Variants in FLNB observed in about 807,000 individuals in gnomAD.
FLNB encodes the protein filamin B, also known as filamin-B.
Under a neutral mutation model 250.6 loss-of-function variants are expected in FLNB, and 111 were observed. The ratio of observed to expected loss-of-function variants is 0.44; its 90% CI spans 0.38 to 0.52. The LOEUF is 0.52. Among genes scored for constraint, FLNB ranks in the 20% least tolerant of loss-of-function variants. The pLI is 0.00. For missense variants in FLNB, 2,869 were observed against 3,447.8 expected, an observed-to-expected ratio of 0.83 and a Z score of 4.20; for synonymous variants, 1,302 against 1,372.1, an observed-to-expected ratio of 0.95 and a Z score of 1.13.
chr3:58,155,263 C>T (rs2097351561), intron 40 of FLNB, among the ~76,000 whole-genome samples: 1 of 152,256 alleles, frequency 6.6e-6, no homozygotes, highest in Non-Finnish European at 1.5e-5. Flanking sequence ...TCTGAGCTCC[C>T]TCTAGCAGGA....
In FLNB at chr3:58,108,439, C is replaced by T. The variant is rs1282430809; in HGVS notation, c.1942-19C>T. On this transcript the variant is annotated intron_variant, in intron 12 of 45. Transcript: ENST00000295956. Reference sequence around the variant, plus strand: ...GGGGCATTACACAGAAAGAGACTTACTATCTGCCTTTGCTTCAGGTTCGAG... The same window carrying T: ...GGGGCATTACACAGAAAGAGACTTATTATCTGCCTTTGCTTCAGGTTCGAG... The T allele has an allele frequency of 6.5e-7, 1 of 1,527,852 alleles. No individual in the cohort carries two copies. The highest frequency in any genetic ancestry group is 1.1e-5 in the South Asian group (1 of 89,050). The allele number at this position is 1,527,852 out of a possible 1,614,324, so 94.6% of individuals were successfully genotyped here.
chr3:58,148,991 T>G, intron 36 of FLNB, 139 bp downstream of exon 36: 2 of 796,200 alleles, frequency 2.5e-6, no homozygotes, highest in Non-Finnish European at 4.2e-6. Flanking sequence ...GCCTGCATTG[T>G]CTTTTATGCC....
chr3:58,121,985 C>T (rs931906478), intron 20 of FLNB, among the ~76,000 whole-genome samples: 4 of 151,580 alleles, frequency 2.6e-5, no homozygotes, highest in Admixed American at 6.6e-5. Flanking sequence ...CTGGCTACCA[C>T]GGTGAAACCC....
intron 26 of FLNB, among the ~76,000 whole-genome samples, chr3:58,133,437 G>GGAA (rs1559718700): frequency 1.5e-5 from 1 of 67,604 alleles, no homozygotes; most frequent in African/African-American, 4.3e-5. Context: ...GACATCTCTG[G>GGAA]AAAAAAAAAA....
intron 28 of FLNB, among the ~76,000 whole-genome samples, chr3:58,137,814 GC>G (rs2097319132): frequency 6.6e-6 from 1 of 152,140 alleles, no homozygotes; most frequent in African/African-American, 2.4e-5. Context: ...TAGATATGCT[GC>G]CAGACACTTC....
intron 8 of FLNB, among the ~76,000 whole-genome samples, chr3:58,100,205 G>C (rs958237753): frequency 3.3e-5 from 5 of 151,824 alleles, no homozygotes; most frequent in African/African-American, 1.2e-4. Flanking sequence ...ATTTTGAATA[G>C]CTTTCCTAAT....
At chr3:58,161,449 C>A (rs898017664) in intron 42 of FLNB, among the ~76,000 whole-genome samples, 1 of 152,174 alleles carries the variant, frequency 6.6e-6, no homozygotes, top group Non-Finnish European at 1.5e-5. Context: ...TCAGCCCCAA[C>A]AGTCCCTCAC....
rs1335437574 is a variant in FLNB, at chr3:58,138,435, A to G, written c.5015A>G (p.Tyr1672Cys). Reference protein sequence around the residue: ...ADVIENEDGTYDIFYTAAKPG... With the variant: ...ADVIENEDGTCDIFYTAAKPG... The stretch of plus-strand genomic sequence containing the variant: ...GTCATTGAGAATGAAGATGGAACCT[A>G]TGACATCTTCTACACAGCTGCCAAG... The change falls in exon 29 of 46, where the codon TAT becomes TGT. Residue 1672 changes from tyrosine (Y) to cysteine (C), a missense_variant. Tyr to Cys is a radical substitution (Grantham distance 194). Transcript: ENST00000295956. 3.1e-6 allele frequency: 5 copies of G among 1,614,224 alleles called. No homozygotes were observed. Among genetic ancestry groups the G allele is most frequent in the Middle Eastern group, 3.3e-4 (2 of 6,062 alleles).
intron 38 of FLNB, among the ~76,000 whole-genome samples, chr3:58,152,161 T>C (rs2097346168): frequency 1.3e-5 from 2 of 152,192 alleles, no homozygotes; most frequent in Non-Finnish European, 2.9e-5. Flanking sequence ...TTTAGTTACT[T>C]AGTACCAGAT....
chr3:58,137,294 A>G (rs1404493458), intron 28 of FLNB, among the ~76,000 whole-genome samples: 4 of 152,188 alleles, frequency 2.6e-5, no homozygotes, highest in Non-Finnish European at 4.4e-5. Context: ...TTTGGAATGC[A>G]GGCCAATCCA....
chr3:58,077,548 G>A (rs942447955), intron 2 of FLNB, among the ~76,000 whole-genome samples: 1 of 152,186 alleles, frequency 6.6e-6, no homozygotes, highest in African/African-American at 2.4e-5. Context: ...TGAAGGAGTT[G>A]GTGCTTAGAA....
In FLNB at chr3:58,134,630, A is replaced by G. The variant is rs2097313129; in HGVS notation, c.4529A>G (p.Lys1510Arg). The change falls in exon 27 of 46, where the codon AAG becomes AGG. Residue 1510 changes from lysine to arginine, a missense_variant. Around this residue, in one of 5 missense-constraint regions of FLNB, gnomAD observed 126 missense variants for 182.0 expected, o/e 0.69. Coordinates refer to ENST00000295956, the MANE Select transcript of FLNB (RefSeq NM_001457.4). ...EEIPRSPFKV[K>R]VLPTYDASKV... ...TGTCTATCAAGTCCCTTCAAGGTCA[A>G]GGTCCTTCCCACATATGATGCCAGC... The G allele has an allele frequency of 1.2e-6, 2 of 1,614,140 alleles. No individual in the cohort carries two copies. Among genetic ancestry groups the G allele is most frequent in the Non-Finnish European group, 1.7e-6 (2 of 1,180,000 alleles).
chr3:58,161,978 T>C (rs1325563238), intron 42 of FLNB, among the ~76,000 whole-genome samples: 1 of 152,204 alleles, frequency 6.6e-6, no homozygotes. Flanking sequence ...GCTAAAGAAA[T>C]GCCATGTGCT....
chr3:58,012,601 A>C (rs191703028), intron 1 of FLNB, among the ~76,000 whole-genome samples: 34 of 152,322 alleles, frequency 2.2e-4, no homozygotes, highest in African/African-American at 6.7e-4. Flanking sequence ...TGGACAAAAT[A>C]GGGATGTCAG....
chr3:58,075,536 T>A (rs567763349), intron 1 of FLNB, among the ~76,000 whole-genome samples: 5 of 151,770 alleles, frequency 3.3e-5, no homozygotes, highest in African/African-American at 1.2e-4. Context: ...TGGATGGGGT[T>A]TATGTAGGTT....
chr3:58,076,059 A>G (rs2097201260), intron 1 of FLNB, among the ~76,000 whole-genome samples: 1 of 152,192 alleles, frequency 6.6e-6, no homozygotes, highest in African/African-American at 2.4e-5. Flanking sequence ...TTGGCTGGGC[A>G]CTTATCCTCC....
Position 58,168,388 on chromosome 3 carries a change from C to T in FLNB, c.7199-52C>T, listed in dbSNP as rs1316326721. ...TCCCTCACCACGGCCTCAGTGCTCC[C>T]AGGAAAGCCCTCCAAGTCATCAACA... On this transcript the variant is annotated intron_variant, in intron 43 of 45. Transcript: ENST00000295956. 3 of 1,428,298 alleles carry T rather than the reference C, an allele frequency of 2.1e-6. No individual in the cohort carries two copies. The Admixed American group carries it at 5.2e-5, about 25-fold the overall frequency. 88.5% of individuals were successfully genotyped at this position (1,428,298 alleles called of 1,614,324 possible). A position where few individuals can be genotyped will look rare whatever the true frequency, so the allele number is the denominator to read the frequency against.
At position 58,134,709 on chromosome 3, in the gene FLNB, A is replaced by G; in HGVS notation, c.4608A>G (p.Leu1536=). 6.2e-7 allele frequency: 1 copy of G among 1,614,114 alleles called. No homozygotes were observed. Among genetic ancestry groups the G allele is most frequent in the Non-Finnish European group, 8.5e-7 (1 of 1,179,990 alleles). Residue 1536 remains leucine, a synonymous_variant, in exon 27 of 46, where the codon CTA becomes CTG. Coordinates refer to ENST00000295956, the MANE Select transcript of FLNB (RefSeq NM_001457.4). ...GTTCCTATGGTGTGCCTGCCAGTCT[A>G]CCTGTGGACTTTGCAATTGATGCCC... ...GLSSYGVPAS[L]PVDFAIDARD...
intron 27 of FLNB, 88 bp downstream of exon 27, chr3:58,134,860 T>C: frequency 8.1e-7 from 1 of 1,234,772 alleles, no homozygotes; most frequent in South Asian, 1.3e-5. Context: ...CAATAACCGA[T>C]TTCTGACTCA....
Sources: allele counts gnomAD v4.1 joint callset (sites outside exome capture counted in the v4.1 genomes callset), GRCh38; gene constraint gnomAD v4.1.1; regional missense constraint gnomAD v4.1.1; transcripts MANE v1.5; gene names NCBI Gene and HGNC (gene_info 2026-07-23, HGNC 2026-07-21).